The following TSPOAP1 variants were observed in gnomAD, a reference collection of about 807,000 sequenced individuals.
TSPOAP1 encodes the protein peripheral-type benzodiazepine receptor-associated protein 1.
A neutral mutation model predicts 197.0 loss-of-function variants in TSPOAP1; 87 were observed. The observed-to-expected ratio is 0.44, with a 90% CI of 0.37 to 0.53. The LOEUF (loss-of-function observed/expected upper bound fraction) is 0.53. TSPOAP1 is among the 20% of genes least tolerant of loss of function. The pLI, the probability that TSPOAP1 is intolerant of heterozygous loss-of-function variation, is 0.00. For missense variants in TSPOAP1, 2,174 were observed against 2,411.3 expected (o/e 0.90, Z 2.06); for synonymous variants, 913 against 998.9 (o/e 0.91, Z 1.62).
chr17:58,304,687 T>G lies in TSPOAP1; in HGVS notation c.5545-288A>C, dbSNP rs1970821588. 1.8e-6 allele frequency: 1 copy of G among 569,576 alleles called. No homozygotes were observed. Among genetic ancestry groups the G allele is most frequent in the Non-Finnish European group, 3.2e-6 (1 of 317,006 alleles). The allele number at this position is 569,576 out of a possible 1,614,324, so 35.3% of individuals were successfully genotyped here. On this transcript the variant is annotated intron_variant, in intron 30 of 31. Coordinates refer to ENST00000343736, the MANE Select transcript of TSPOAP1 (RefSeq NM_004758.4). This position sits in a 1 kb window ranked among gnomAD's most constrained non-coding sequence, Gnocchi z 4.2. ...TGGGCAACTGGCTTCCAAAGGCACCTGGGAGGTATGGAGACCACCCCCAGG... is the reference window on the plus strand; with the variant it reads ...TGGGCAACTGGCTTCCAAAGGCACCGGGGAGGTATGGAGACCACCCCCAGG...
chr17:58,315,394 G>A (rs1346441091), intron 16 of TSPOAP1, among the ~76,000 whole-genome samples: 1 of 152,200 alleles, frequency 6.6e-6, no homozygotes, highest in Non-Finnish European at 1.5e-5. Flanking sequence ...CAGCCTGGTG[G>A]TACCCAGGCC....
chr17:58,326,214 T>G lies in TSPOAP1; in HGVS notation c.570+79A>C. 6.3e-7 allele frequency: 1 copy of G among 1,578,424 alleles called. No homozygotes were observed. Among genetic ancestry groups the G allele is most frequent in the Non-Finnish European group, 8.6e-7 (1 of 1,163,174 alleles). ...GAGCTGAGACCGTGACTCCCAAGCT[T>G]CAGACAGCCCTCAGGCCCAGCCCTG... On this transcript the variant is annotated intron_variant, in intron 3 of 31. Coordinates refer to ENST00000343736, the MANE Select transcript of TSPOAP1 (RefSeq NM_004758.4). This position sits in a 1 kb window ranked among gnomAD's most constrained non-coding sequence, Gnocchi z 4.7.
chr17:58,316,267 C>T (rs1328092079), intron 15 of TSPOAP1, 135 bp from the exon 16 acceptor site: 7 of 1,060,598 alleles, frequency 6.6e-6, no homozygotes, highest in African/African-American at 1.6e-5. Flanking sequence ...AAGCTGAGCC[C>T]TCACTGCACC....
rs1334215020 is a variant in TSPOAP1, at chr17:58,301,255, A to T, written c.*1225T>A. ...ATTTTGTGAAAATAGACTTTATTAT[A>T]ATAAAATGTCTTTTTAAACAAATTC... On this transcript the variant is annotated 3_prime_UTR_variant, in exon 32 of 32. Transcript: ENST00000343736. The T allele has an allele frequency of 6.6e-6, 1 of 152,590 alleles. No homozygotes were observed. Among genetic ancestry groups the T allele is most frequent in the African/African-American group, 2.4e-5 (1 of 41,434 alleles). The allele number at this position is 152,590 out of a possible 1,614,324, so 9.5% of individuals were successfully genotyped here. A position where few individuals can be genotyped will look rare whatever the true frequency, so the allele number is the denominator to read the frequency against.
Position 58,308,917 on chromosome 17 carries a change from A to G in TSPOAP1, c.4355T>C (p.Leu1452Pro). 2 of 1,595,516 alleles carry G rather than the reference A, an allele frequency of 1.3e-6. No homozygotes were observed. The highest frequency in any genetic ancestry group is 1.7e-6 in the Non-Finnish European group (2 of 1,170,714). ...RLGPTRERGGLPVIEGPRTGL... is the reference protein window; with the variant it reads ...RLGPTRERGGPPVIEGPRTGL... ...AGTCCTGGGGCCCTCAATTACGGGGAGGCCACCCCTCTCCCGTGTGGGGCC... is the reference window on the plus strand; with the variant it reads ...AGTCCTGGGGCCCTCAATTACGGGGGGGCCACCCCTCTCCCGTGTGGGGCC... The change falls in exon 22 of 32, where the codon CTC (leucine) becomes CCC (proline). Residue 1452 changes from leucine (L) to proline (P), a missense_variant. By Grantham distance (98) the Leu-to-Pro change is moderately conservative (BLOSUM62 -3). This residue lies in a region of TSPOAP1 where 1,933 missense variants were observed against 2,139.0 expected (regional missense o/e 0.90). Transcript: ENST00000343736.
chr17:58,320,040 G>A (rs1971358106), intron 12 of TSPOAP1, 69 bp downstream of exon 12: 1 of 1,591,706 alleles, frequency 6.3e-7, no homozygotes. Context: ...GGACTGCCTG[G>A]GCCCTGAGGG....
chr17:58,311,703 C>T lies in TSPOAP1; in HGVS notation c.2949G>A (p.Leu983=). 1 of 1,586,102 alleles carries T rather than the reference C, an allele frequency of 6.3e-7. No individual in the cohort carries two copies. The highest frequency in any genetic ancestry group is 8.6e-7 in the Non-Finnish European group (1 of 1,163,388). Residue 983 remains leucine (L), a synonymous_variant, in exon 18 of 32, where the codon CTG becomes CTA. Transcript: ENST00000343736. ...AGGGCCCAGGCTCGATCTGCACATC[C>T]AGAGGGGCATCAGGTGGGCCTGGGG... is the stretch of plus-strand genomic sequence containing the variant. The part of the protein sequence containing the change: ...TLPAGPPDAP[L]DVQIEPGPSP...
Position 58,310,817 on chromosome 17 carries a change from C to G in TSPOAP1, c.3459+19G>C. 6.3e-7 allele frequency: 1 copy of G among 1,576,554 alleles called. No individual in the cohort carries two copies. The highest frequency in any genetic ancestry group is 8.6e-7 in the Non-Finnish European group (1 of 1,158,550). ...CCTCTGCCAGCCTGCACCTGCTCCC[C>G]TCTCCCCAGACAGGGTACCTGGGAG... On this transcript the variant is annotated intron_variant, in intron 19 of 31. Transcript: ENST00000343736.
chr17:58,324,770 T>TC lies in TSPOAP1; in HGVS notation c.942+40dup. ...TCCCGGTGGTCGTTCCCCCCACCCATCTGCACGCACCCACACACCTGCCCT... is the reference window on the plus strand; with the variant it reads ...TCCCGGTGGTCGTTCCCCCCACCCATCCTGCACGCACCCACACACCTGCCCT... On this transcript the variant is annotated intron_variant, in intron 5 of 31. Coordinates refer to ENST00000343736, the MANE Select transcript of TSPOAP1 (RefSeq NM_004758.4). This position sits in a 1 kb window ranked among gnomAD's most constrained non-coding sequence, Gnocchi z 5.8. 2 of 1,360,036 alleles carry TC rather than the reference T, an allele frequency of 1.5e-6. No individual in the cohort carries two copies. The highest frequency in any genetic ancestry group is 1.7e-5 in the South Asian group (1 of 60,066). The allele number at this position is 1,360,036 out of a possible 1,614,324, so 84.2% of individuals were successfully genotyped here.
chr17:58,324,855 G>C lies in TSPOAP1; in HGVS notation c.898C>G (p.Leu300Val). 2.6e-6 allele frequency: 4 copies of C among 1,527,948 alleles called. No homozygotes were observed. Among genetic ancestry groups the C allele is most frequent in the Non-Finnish European group, 3.5e-6 (4 of 1,142,148 alleles). The allele number at this position is 1,527,948 out of a possible 1,614,324, so 94.6% of individuals were successfully genotyped here. A position where few individuals can be genotyped will look rare whatever the true frequency, so the allele number is the denominator to read the frequency against. ...LPPSWPPGPA[L>V]QARAGAPAPG... ...GCAGGCGCCCCTGCTCTGGCCTGGA[G>C]AGCAGGGCCCGGGGGCCAGGACGGC... The change falls in exon 5 of 32, where the codon CTC becomes GTC. Residue 300 changes from leucine to valine, a missense_variant. By Grantham distance (32) the Leu-to-Val change is conservative. Coordinates refer to ENST00000343736, the MANE Select transcript of TSPOAP1 (RefSeq NM_004758.4). This position sits in a 1 kb window ranked among gnomAD's most constrained non-coding sequence, Gnocchi z 5.8.
Position 58,324,650 on chromosome 17 carries a change from G to A in TSPOAP1, c.942+161C>T, listed in dbSNP as rs1181744387. On this transcript the variant is annotated intron_variant, in intron 5 of 31. Coordinates refer to ENST00000343736, the MANE Select transcript of TSPOAP1 (RefSeq NM_004758.4). The surrounding 1 kb of genome is among the most constrained non-coding windows in gnomAD (Gnocchi z 5.8). ...CAGGTACGAGCACGGGAGGCTTGGA[G>A]GTGGACCCTGCCCAGGACGGGAAAG... Among the ~76,000 whole-genome samples the A allele has an allele frequency of 6.6e-6, 1 of 152,030 alleles. No homozygotes were observed. The highest frequency in any genetic ancestry group is 1.5e-5 in the Non-Finnish European group (1 of 67,932).
In TSPOAP1 at chr17:58,308,826, C is replaced by A. The variant is rs1322392502; in HGVS notation, c.4446G>T (p.Leu1482=). ...PSRRCSRGRA[L]EPGLASCLSP... ...AAAGGCAGCTGGCCAGGCCAGGCTCCAGCGCCCGGCCACGGGAGCACCTCC... is the reference window on the plus strand; with the variant it reads ...AAAGGCAGCTGGCCAGGCCAGGCTCAAGCGCCCGGCCACGGGAGCACCTCC... Residue 1482 remains leucine, a synonymous_variant, in exon 22 of 32, where the codon CTG becomes CTT. Transcript: ENST00000343736. 6.2e-7 allele frequency: 1 copy of A among 1,612,300 alleles called. No homozygotes were observed. The highest frequency in any genetic ancestry group is 1.7e-5 in the Admixed American group (1 of 59,988).
chr17:58,311,758 G>A (rs1288182153), intron 17 of TSPOAP1, 36 bp from the exon 18 acceptor site: 2 of 1,530,838 alleles, frequency 1.3e-6, no homozygotes, highest in Non-Finnish European at 1.8e-6. Context: ...AGTGATGCAG[G>A]ACGCTCCCCA....
chr17:58,316,922 T>A (rs1288186690), intron 14 of TSPOAP1, among the ~76,000 whole-genome samples: 1 of 152,192 alleles, frequency 6.6e-6, no homozygotes, highest in Admixed American at 6.5e-5. Flanking sequence ...AGTTGCCAGG[T>A]GCAGTGGCTC....
chr17:58,306,603 C>A, intron 25 of TSPOAP1, 190 bp from the exon 26 acceptor site: 1 of 896,514 alleles, frequency 1.1e-6, no homozygotes, highest in South Asian at 1.8e-5. Context: ...GCTGTATTCC[C>A]CTCTGCAACA....
In TSPOAP1 at chr17:58,311,216, G is replaced by T. The variant is rs1210021294; in HGVS notation, c.3082-3C>A. 1 of 1,610,710 alleles carries T rather than the reference G, an allele frequency of 6.2e-7. No homozygotes were observed. Among genetic ancestry groups the T allele is most frequent in the East Asian group, 2.2e-5 (1 of 44,846 alleles). The stretch of plus-strand genomic sequence containing the variant: ...GTGGGTGAGGCCACCTCCATGATCT[G>T]CAGGGTGGAGGGGGCACAGGATGGG... On this transcript the variant is annotated splice_polypyrimidine_tract_variant and splice_region_variant and intron_variant, in intron 18 of 31. Coordinates refer to ENST00000343736, the MANE Select transcript of TSPOAP1 (RefSeq NM_004758.4).
chr17:58,325,108 C>A, intron 4 of TSPOAP1, 106 bp from the exon 5 acceptor site: 1 of 1,000,868 alleles, frequency 1.0e-6, no homozygotes, highest in Non-Finnish European at 1.4e-6. Flanking sequence ...CTCCGATGCG[C>A]GAGACTGTGC....
chr17:58,312,176 C>T lies in TSPOAP1; in HGVS notation c.2645G>A (p.Gly882Glu). Residue 882 changes from glycine to glutamate, a missense_variant, in exon 17 of 32, where the codon GGA becomes GAA. Around this residue, in one of 5 missense-constraint regions of TSPOAP1, gnomAD observed 1,933 missense variants for 2,139.0 expected, o/e 0.90. Coordinates refer to ENST00000343736, the MANE Select transcript of TSPOAP1 (RefSeq NM_004758.4). ...GACCCGCAGCTGGCTGGGCACCACT[C>T]CGGCCCGGGCACCCACCGCCAAGCA... is the stretch of plus-strand genomic sequence containing the variant. ...RCCLAVGARA[G>E]VVPSQLRVHR... 2.5e-6 allele frequency: 4 copies of T among 1,612,912 alleles called. No homozygotes were observed. Among genetic ancestry groups the T allele is most frequent in the Non-Finnish European group, 3.4e-6 (4 of 1,179,946 alleles).
chr17:58,326,192 C>T lies in TSPOAP1; in HGVS notation c.570+101G>A. On this transcript the variant is annotated intron_variant, in intron 3 of 31. Coordinates refer to ENST00000343736, the MANE Select transcript of TSPOAP1 (RefSeq NM_004758.4). The surrounding 1 kb of genome is among the most constrained non-coding windows in gnomAD (Gnocchi z 4.7). ...GATTCTTGCTTTCCTAGGTGCTGAG[C>T]TGAGACCGTGACTCCCAAGCTTCAG... 1.3e-6 allele frequency: 2 copies of T among 1,544,018 alleles called. No homozygotes were observed. Among genetic ancestry groups the T allele is most frequent in the Non-Finnish European group, 8.7e-7 (1 of 1,144,808 alleles).
Sources: gnomAD v4.1 joint callset for allele counts (sites outside exome capture counted in the v4.1 genomes callset) on GRCh38, gnomAD v4.1.1 for gene constraint, gnomAD v4.1.1 regional missense constraint, Gnocchi (gnomAD v3.1) non-coding constraint, MANE v1.5 for transcripts, NCBI Gene and HGNC (gene_info 2026-07-23, HGNC 2026-07-21) for gene names.